The following MSRA variants were observed in gnomAD, a reference collection of about 807,000 sequenced individuals.
MSRA encodes the protein methionine sulfoxide reductase A.
Under a neutral mutation model 31.3 loss-of-function variants are expected in MSRA, and 54 were observed. The observed-to-expected ratio is 1.73, with a 90% CI of 1.39 to 2.17. MSRA has a LOEUF of 2.17. Ranked by LOEUF, MSRA falls within the 30% of genes most tolerant of loss-of-function variation. MSRA has a pLI of 0.00. For synonymous variants in MSRA, 169 were observed against 116.5 expected (o/e 1.45, Z -2.90); for missense variants, 507 against 300.9 (o/e 1.69, Z -5.07).
chr8:10,281,868 G>A (rs754952059), intron 3 of MSRA, among the ~76,000 whole-genome samples: 5 of 152,152 alleles, frequency 3.3e-5, no homozygotes, highest in Non-Finnish European at 7.3e-5. Flanking sequence ...AATAGTGACG[G>A]CTTCTTAGCC....
intron 1 of MSRA, among the ~76,000 whole-genome samples, chr8:10,194,698 A>T (rs905905263): frequency 6.6e-6 from 1 of 152,132 alleles, no homozygotes; most frequent in South Asian, 2.1e-4. Context: ...CAGTTTTTCT[A>T]CCATATGATA....
chr8:10,306,823 G>A (rs1801165534), intron 4 of MSRA, among the ~76,000 whole-genome samples: 1 of 152,172 alleles, frequency 6.6e-6, no homozygotes, highest in Non-Finnish European at 1.5e-5. Context: ...AGTTTTGTGT[G>A]ACTTCACCCA....
At chr8:10,167,196 G>A (rs542234056) in intron 1 of MSRA, among the ~76,000 whole-genome samples, 1 of 152,278 alleles carries the variant, frequency 6.6e-6, no homozygotes, top group East Asian at 1.9e-4. Context: ...TGACTAACGT[G>A]GCCGGGCTCC....
intron 1 of MSRA, chr8:10,095,763 G>C: frequency 8.6e-7 from 1 of 1,156,718 alleles, no homozygotes; most frequent in Non-Finnish European, 1.1e-6. Context: ...TGGGCTATTT[G>C]AAAGTGTTGG....
chr8:10,371,328 C>T lies in MSRA; in HGVS notation c.543+51339C>T, dbSNP rs547373926. On this transcript the variant is annotated intron_variant, in intron 5 of 5. Coordinates refer to ENST00000317173, the MANE Select transcript of MSRA (RefSeq NM_012331.5). ...GGAGAAGTTGCTTCCTGAGCGCGCT[C>T]TCATGCTGGACATGGGGAGAGTGTC... 1.3e-4 allele frequency among the ~76,000 whole-genome samples: 20 copies of T among 152,192 alleles called. No individual in the cohort carries two copies. In the South Asian group the frequency reaches 2.3e-3, roughly 17 times the overall value.
At chr8:10,275,246 G>C (rs368140822) in intron 3 of MSRA, among the ~76,000 whole-genome samples, 1 of 152,138 alleles carries the variant, frequency 6.6e-6, no homozygotes, top group Admixed American at 6.5e-5. Context: ...TTTCATCCCC[G>C]TGATTGCAAG....
chr8:10,158,925 C>T (rs569496710), intron 1 of MSRA, among the ~76,000 whole-genome samples: 9 of 152,298 alleles, frequency 5.9e-5, no homozygotes, highest in East Asian at 1.9e-4. Flanking sequence ...CACTCTACTG[C>T]GTGTGAAATG....
At chr8:10,339,942 G>A (rs1803316660) in intron 5 of MSRA, among the ~76,000 whole-genome samples, 1 of 152,192 alleles carries the variant, frequency 6.6e-6, no homozygotes, top group African/African-American at 2.4e-5. Flanking sequence ...ACCCCACCCA[G>A]GCCTCTGCTC....
chr8:10,298,135 A>C (rs1400418661), intron 3 of MSRA, among the ~76,000 whole-genome samples: 1 of 152,226 alleles, frequency 6.6e-6, no homozygotes, highest in Non-Finnish European at 1.5e-5. Context: ...AATGGGGACC[A>C]TATGTCTCTG....
At chr8:10,127,022 G>T (rs7821615) in intron 1 of MSRA, among the ~76,000 whole-genome samples, 2,819 of 152,304 alleles carry the variant, frequency 0.019, 82 homozygotes, top group African/African-American at 0.064. Flanking sequence ...AGGGGTTGGG[G>T]ACCCCTGCTC....
chr8:10,209,500 C>T (rs1039966055), intron 2 of MSRA, among the ~76,000 whole-genome samples: 2 of 152,178 alleles, frequency 1.3e-5, no homozygotes, highest in African/African-American at 4.8e-5. Context: ...GGGAATGAGG[C>T]TCTGTGGCAA....
chr8:10,061,798 C>G (rs183273764), intron 1 of MSRA, among the ~76,000 whole-genome samples: 63 of 152,298 alleles, frequency 4.1e-4, no homozygotes, highest in African/African-American at 1.4e-3. Flanking sequence ...TGGCTGATTT[C>G]TCTGAACTTT....
At chr8:10,224,482 A>G (rs948560750) in intron 2 of MSRA, among the ~76,000 whole-genome samples, 1 of 129,768 alleles carries the variant, frequency 7.7e-6, no homozygotes, top group Non-Finnish European at 1.7e-5. Context: ...CACAGCCTCA[A>G]CTATTACCAG....
In MSRA at chr8:10,428,184, G is replaced by T. The variant is rs200629688; in HGVS notation, c.580G>T (p.Asp194Tyr). 2 of 1,614,052 alleles carry T rather than the reference G, an allele frequency of 1.2e-6. No individual in the cohort carries two copies. The highest frequency in any genetic ancestry group is 2.7e-5 in the African/African-American group (2 of 75,012). The change falls in exon 6 of 6, where the codon GAC becomes TAC. Residue 194 changes from aspartate to tyrosine, a missense_variant. By Grantham distance (160) the Asp-to-Tyr change is radical. Coordinates refer to ENST00000317173, the MANE Select transcript of MSRA (RefSeq NM_012331.5). ...SEHGFGPITT[D>Y]IREGQTFYYA... ...GCACGGCTTCGGCCCCATCACTACC[G>T]ACATCCGGGAGGGACAGACTTTCTA...
chr8:10,145,128 A>T (rs185996289), intron 1 of MSRA, among the ~76,000 whole-genome samples: 1 of 152,280 alleles, frequency 6.6e-6, no homozygotes, highest in Non-Finnish European at 1.5e-5. Flanking sequence ...TACTGAAATG[A>T]AGTCTAATTT....
In MSRA at chr8:10,251,865, G is replaced by GT. The variant is rs879762676; in HGVS notation, c.331+6642_331+6643insT. Among the ~76,000 whole-genome samples the GT allele has an allele frequency of 2.9e-3, 441 of 151,852 alleles. 6 individuals are homozygous for GT. Among genetic ancestry groups the GT allele is most frequent in the Non-Finnish European group, 3.0e-3 (201 of 67,816 alleles). ...CCCTCTGAAGGGTTGACATGGTGGG[G>GT]GGGGGGGGACATAGGTCATGGGGAC... is the stretch of plus-strand genomic sequence containing the variant. On this transcript the variant is annotated intron_variant, in intron 3 of 5. Transcript: ENST00000317173.
intron 5 of MSRA, among the ~76,000 whole-genome samples, chr8:10,330,187 A>G (rs114438776): frequency 7.5e-6 from 1 of 133,166 alleles, no homozygotes; most frequent in Non-Finnish European, 1.6e-5. Context: ...TAGGTTCATT[A>G]TAAGAATTAA....
intron 1 of MSRA, among the ~76,000 whole-genome samples, chr8:10,137,667 A>T (rs1802384966): frequency 6.6e-6 from 1 of 152,150 alleles, no homozygotes; most frequent in South Asian, 2.1e-4. Context: ...ACTTCCTAAC[A>T]GTGTTCTGAT....
In MSRA at chr8:10,092,808, G is replaced by T. The variant is rs755192434; in HGVS notation, c.142+38150G>T. 5.7e-4 allele frequency among the ~76,000 whole-genome samples: 86 copies of T among 152,102 alleles called. 1 individual carries two copies. The highest frequency in any genetic ancestry group is 9.4e-4 in the Non-Finnish European group (64 of 68,002). ...GGTATTGAAGTTTCCAACTATCATT[G>T]TTGAATTACCCATTTTTCCCTTCAA... On this transcript the variant is annotated intron_variant, in intron 1 of 5. Coordinates refer to ENST00000317173, the MANE Select transcript of MSRA (RefSeq NM_012331.5).
Sources: allele counts gnomAD v4.1 joint callset (sites outside exome capture counted in the v4.1 genomes callset), GRCh38; gene constraint gnomAD v4.1.1; transcripts MANE v1.5; gene names NCBI Gene and HGNC (gene_info 2026-07-23, HGNC 2026-07-21).